KLHL1: variants seen among roughly 807,000 people sequenced by gnomAD.
The protein encoded by KLHL1 is kelch-like protein 1.
In KLHL1, 47 loss-of-function variants were observed where a neutral mutation model predicts 77.7. The ratio of observed to expected loss-of-function variants is 0.60; its 90% CI spans 0.48 to 0.77. The LOEUF is 0.77. Among genes scored for constraint, KLHL1 ranks in the 30% least tolerant of loss-of-function variants. The pLI is 0.00. For missense variants in KLHL1, 925 were observed against 910.8 expected (o/e 1.02, Z -0.20); for synonymous variants, 360 against 325.2 (o/e 1.11, Z -1.15).
chr13:69,771,576 T>C (rs910475393), intron 7 of KLHL1, among the ~76,000 whole-genome samples: 4 of 152,182 alleles, frequency 2.6e-5, no homozygotes, highest in South Asian at 2.1e-4. Flanking sequence ...TTGACCTTTG[T>C]TAGCATAGAT....
chr13:69,869,128 A>G (rs1232706351), intron 5 of KLHL1, among the ~76,000 whole-genome samples: 1 of 152,140 alleles, frequency 6.6e-6, no homozygotes, highest in Non-Finnish European at 1.5e-5. Flanking sequence ...TTGTAATATA[A>G]AAGAAAAAAA....
chr13:69,708,539 A>C (rs1437942069), intron 9 of KLHL1, among the ~76,000 whole-genome samples: 2 of 152,050 alleles, frequency 1.3e-5, no homozygotes, highest in Non-Finnish European at 2.9e-5. Context: ...GACATTGCTC[A>C]GGATTCACAG....
intron 5 of KLHL1, among the ~76,000 whole-genome samples, chr13:69,869,390 C>T (rs1297759224): frequency 6.6e-6 from 1 of 152,018 alleles, no homozygotes; most frequent in Non-Finnish European, 1.5e-5. Flanking sequence ...ACTTGAAACT[C>T]AGCAGCAACA....
rs1186637202 is a variant in KLHL1 at position 69,936,525 on chromosome 13, G to T, written c.1014+3515C>A. Among the ~76,000 whole-genome samples the T allele has an allele frequency of 2.7e-5, 4 of 148,118 alleles. No individual in the cohort carries two copies. In the East Asian group the frequency reaches 7.9e-4, roughly 29 times the overall value. ...AATTGCCCGAACCTGGGAGGCGGAG[G>T]TTGCAGTGAGTGGAGATTACGCCTC... On this transcript the variant is annotated intron_variant, in intron 4 of 10. Transcript: ENST00000377844.
chr13:70,069,985 G>A lies in KLHL1; in HGVS notation c.497+37218C>T, dbSNP rs568106288. ...AGATCAACATCATCCTGGCTAACAC[G>A]GTGAAACCCCGTCTCCACTAAAAAC... On this transcript the variant is annotated intron_variant, in intron 1 of 10. Coordinates refer to ENST00000377844, the MANE Select transcript of KLHL1 (RefSeq NM_020866.3). Among the ~76,000 whole-genome samples the A allele has an allele frequency of 9.9e-5, 15 of 151,864 alleles. No homozygotes were observed. In the South Asian group the frequency reaches 1.5e-3, roughly 15 times the overall value.
intron 2 of KLHL1, among the ~76,000 whole-genome samples, chr13:69,974,465 T>G (rs1884484829): frequency 1.3e-5 from 2 of 151,668 alleles, no homozygotes; most frequent in Admixed American, 1.3e-4. Flanking sequence ...ATATTATGAA[T>G]ATAGAATAAT....
rs1389390739 is a variant in KLHL1 at position 70,075,555 on chromosome 13, G to GTGTGTGTA, written c.497+31647_497+31648insTACACACA. On this transcript the variant is annotated intron_variant, in intron 1 of 10. Coordinates refer to ENST00000377844, the MANE Select transcript of KLHL1 (RefSeq NM_020866.3). Reference sequence around the variant, plus strand: ...ATATTGCATACATATATATATACCTGTGTGTGTGTATGTGTATATATATAT... The same window carrying GTGTGTGTA: ...ATATTGCATACATATATATATACCTGTGTGTGTATGTGTGTGTATGTGTATATATATAT... Among the ~76,000 whole-genome samples the GTGTGTGTA allele has an allele frequency of 3.3e-3, 62 of 18,536 alleles. 1 individual carries two copies. The highest frequency in any genetic ancestry group is 9.3e-3 in the African/African-American group (59 of 6,334). The allele number at this position is 18,536 out of a possible 152,430, so 12.2% of individuals were successfully genotyped here.
At chr13:69,780,700 ATGTATATATATATATG>A (rs1304289748) in intron 7 of KLHL1, among the ~76,000 whole-genome samples, 4,232 of 68,782 alleles carry the variant, frequency 0.062, 369 homozygotes, top group Middle Eastern at 0.081. Context: ...ATATATATAT[ATGTATATATATATATG>A]TATATATATA....
intron 7 of KLHL1, among the ~76,000 whole-genome samples, chr13:69,765,789 C>T (rs761424501): frequency 4.6e-5 from 7 of 152,208 alleles, no homozygotes; most frequent in African/African-American, 9.6e-5. Context: ...TGCTACCCTC[C>T]GATCTGTTGC....
At chr13:69,802,902 A>G (rs1877452685) in intron 6 of KLHL1, 1 of 152,096 alleles carries the variant, frequency 6.6e-6, no homozygotes, top group African/African-American at 2.4e-5. Flanking sequence ...GGGTTCCTAC[A>G]ATGTCCATTG....
At chr13:69,943,378 T>C (rs1474014895) in intron 3 of KLHL1, among the ~76,000 whole-genome samples, 2 of 151,960 alleles carry the variant, frequency 1.3e-5, no homozygotes, top group African/African-American at 4.8e-5. Context: ...AGTAAAGAAA[T>C]CTAAAGCATG....
In KLHL1 at chr13:69,837,630, GTA is replaced by G. The variant is rs759482336; in HGVS notation, c.1414+1344_1414+1345del. On this transcript the variant is annotated intron_variant, in intron 6 of 10. Transcript: ENST00000377844. Reference sequence around the variant, plus strand: ...TCTCTCTCTCTATATATATGTGTGTGTATATATATATATGTGTATATATATAT... The same window carrying G: ...TCTCTCTCTCTATATATATGTGTGTGTATATATATATGTGTATATATATAT... 3.9e-3 allele frequency among the ~76,000 whole-genome samples: 497 copies of G among 128,664 alleles called. 6 individuals carry two copies. The highest frequency in any genetic ancestry group is 7.6e-3 in the East Asian group (37 of 4,854). The allele number at this position is 128,664 out of a possible 152,430, so 84.4% of individuals were successfully genotyped here.
intron 4 of KLHL1, among the ~76,000 whole-genome samples, chr13:69,888,401 G>A (rs765247508): frequency 6.6e-6 from 1 of 152,090 alleles, no homozygotes; most frequent in African/African-American, 2.4e-5. Flanking sequence ...AGTTGATTAA[G>A]TTAAGAAAAA....
Position 69,876,792 on chromosome 13 carries a change from C to G in KLHL1, c.1227+5491G>C, listed in dbSNP as rs1880782466. Among the ~76,000 whole-genome samples, 6 of 152,270 alleles carry G rather than the reference C, an allele frequency of 3.9e-5. No homozygotes were observed. In the South Asian group the frequency reaches 1.2e-3, roughly 32 times the overall value. ...GTGGCTCATGCCTGTAATCCCAACA[C>G]TTTGGGAGGCCGAGGCGGGTGGATC... On this transcript the variant is annotated intron_variant, in intron 5 of 10. Transcript: ENST00000377844.
At chr13:69,924,998 G>A (rs1046568261) in intron 4 of KLHL1, among the ~76,000 whole-genome samples, 5 of 152,096 alleles carry the variant, frequency 3.3e-5, no homozygotes, top group African/African-American at 4.8e-5. Context: ...ATGCTACCTC[G>A]CTCACACACT....
intron 4 of KLHL1, among the ~76,000 whole-genome samples, chr13:69,916,454 G>A (rs866657872): frequency 0.011 from 1,599 of 152,030 alleles, 10 homozygotes; most frequent in Middle Eastern, 0.038. Context: ...CATGGATGAA[G>A]CTGGAAACCA....
At chr13:70,007,074 T>C (rs1005791158) in intron 1 of KLHL1, among the ~76,000 whole-genome samples, 1 of 152,020 alleles carries the variant, frequency 6.6e-6, no homozygotes, top group African/African-American at 2.4e-5. Context: ...ATGAATCCAC[T>C]GTTTTGTCAT....
intron 7 of KLHL1, among the ~76,000 whole-genome samples, chr13:69,761,885 G>A (rs1467307415): frequency 1.3e-5 from 2 of 152,110 alleles, no homozygotes; most frequent in Non-Finnish European, 2.9e-5. Context: ...TAAAATATAT[G>A]TTGATGAGTG....
chr13:70,094,393 T>TATATATATATATATATATATATATATATA (rs1887738580), intron 1 of KLHL1, among the ~76,000 whole-genome samples: 1 of 137,228 alleles, frequency 7.3e-6, no homozygotes, highest in African/African-American at 3.2e-5. Flanking sequence ...GCAATCATCT[T>TATATATATATATATATATATATATATATA]TATATATATA....
Sources: allele counts gnomAD v4.1 joint callset (sites outside exome capture counted in the v4.1 genomes callset), GRCh38; gene constraint gnomAD v4.1.1; transcripts MANE v1.5; gene names NCBI Gene and HGNC (gene_info 2026-07-23, HGNC 2026-07-21).